Variants in EPB41L4B observed in about 807,000 individuals in gnomAD.
The protein encoded by EPB41L4B is erythrocyte membrane protein band 4.1 like 4B, also known as band 4.1-like protein 4B.
In EPB41L4B, 30 loss-of-function variants were observed where a neutral mutation model predicts 112.5. The observed-to-expected ratio is 0.27, with a 90% CI of 0.20 to 0.36. EPB41L4B has a LOEUF of 0.36. EPB41L4B is among the 10% of genes least tolerant of loss of function. The pLI is 1.00. For missense variants in EPB41L4B, 1,024 were observed against 1,133.3 expected (o/e 0.90, Z 1.38); for synonymous variants, 408 against 439.7 (o/e 0.93, Z 0.90).
chr9:109,270,820 C>T (rs112516828), intron 2 of EPB41L4B, among the ~76,000 whole-genome samples: 2,110 of 152,266 alleles, frequency 0.014, 22 homozygotes, highest in Middle Eastern at 0.024. Flanking sequence ...CTTGGCTGTG[C>T]TTTTTGATCC....
chr9:109,311,844 T>C (rs750440416), intron 1 of EPB41L4B, among the ~76,000 whole-genome samples: 1 of 151,994 alleles, frequency 6.6e-6, no homozygotes, highest in Non-Finnish European at 1.5e-5. Flanking sequence ...ACCAGCAGAG[T>C]GGCCCGAGGC....
intron 15 of EPB41L4B, among the ~76,000 whole-genome samples, chr9:109,237,357 T>C (rs1418290718): frequency 1.3e-5 from 2 of 152,200 alleles, no homozygotes; most frequent in African/African-American, 2.4e-5. Context: ...CAATACACTG[T>C]TGGATGTTCT....
At chr9:109,313,597 A>C (rs1188558075) in intron 1 of EPB41L4B, among the ~76,000 whole-genome samples, 1 of 152,210 alleles carries the variant, frequency 6.6e-6, no homozygotes, top group Admixed American at 6.5e-5. Flanking sequence ...AAGACCTTTA[A>C]CCTGCCAGCA....
intron 20 of EPB41L4B, among the ~76,000 whole-genome samples, chr9:109,198,185 C>T (rs898272500): frequency 2.6e-5 from 4 of 152,160 alleles, no homozygotes; most frequent in African/African-American, 9.7e-5. Flanking sequence ...TTCACAGGTA[C>T]AAATGGCAGA....
rs367749196 is a variant in EPB41L4B at position 109,200,183 on chromosome 9, A to T, written c.2045+53T>A. 14 of 1,464,636 alleles carry T rather than the reference A, an allele frequency of 9.6e-6. No homozygotes were observed. The African/African-American group carries it at 1.9e-4, about 20-fold the overall frequency. 90.7% of individuals were successfully genotyped at this position (1,464,636 alleles called of 1,614,324 possible). Reference sequence around the variant, plus strand: ...AGGGCTAAGAAGCATTTGTATCTAAACAATTAGTCATCATAGTTGTTTTAA... The same window carrying T: ...AGGGCTAAGAAGCATTTGTATCTAATCAATTAGTCATCATAGTTGTTTTAA... On this transcript the variant is annotated intron_variant, in intron 20 of 25. Transcript: ENST00000374566.
chr9:109,268,329 C>T (rs1835481123), intron 3 of EPB41L4B, 62 bp downstream of exon 3: 3 of 1,463,540 alleles, frequency 2.0e-6, no homozygotes, highest in Middle Eastern at 1.7e-4. Flanking sequence ...CCTCAAAACA[C>T]TGGCAAAGGA....
intron 1 of EPB41L4B, among the ~76,000 whole-genome samples, chr9:109,285,234 A>G (rs549433892): frequency 6.6e-6 from 1 of 152,210 alleles, no homozygotes; most frequent in Non-Finnish European, 1.5e-5. Flanking sequence ...ACTTACGTAA[A>G]ATGAAGAGGG....
chr9:109,175,313 T>C (rs1483411259), intron 25 of EPB41L4B, among the ~76,000 whole-genome samples: 1 of 152,184 alleles, frequency 6.6e-6, no homozygotes, highest in Non-Finnish European at 1.5e-5. Flanking sequence ...AGGCTTTCAT[T>C]TGATGAATAT....
At chr9:109,251,337 G>T in intron 13 of EPB41L4B, 144 bp downstream of exon 13, 1 of 781,598 alleles carries the variant, frequency 1.3e-6, no homozygotes, top group Non-Finnish European at 2.2e-6. Context: ...CATGAGCATG[G>T]AATAGCCAGG....
chr9:109,303,015 G>A (rs1328013277), intron 1 of EPB41L4B, among the ~76,000 whole-genome samples: 4 of 151,244 alleles, frequency 2.6e-5, no homozygotes, highest in Admixed American at 2.6e-4. Context: ...CAGGAGTTCT[G>A]GGCTGCAGTG....
At chr9:109,307,817 C>T (rs1312285960) in intron 1 of EPB41L4B, among the ~76,000 whole-genome samples, 3 of 148,272 alleles carry the variant, frequency 2.0e-5, no homozygotes, top group Non-Finnish European at 3.0e-5. Context: ...GAACCCTGGT[C>T]GCTTTCAGAA....
intron 1 of EPB41L4B, chr9:109,300,760 T>A (rs992536599): frequency 6.6e-6 from 1 of 152,212 alleles, no homozygotes; most frequent in Non-Finnish European, 1.5e-5. Flanking sequence ...TACTCCAGCC[T>A]GGGCGACAAA....
intron 15 of EPB41L4B, among the ~76,000 whole-genome samples, chr9:109,232,180 C>T (rs536650878): frequency 2.6e-5 from 4 of 152,028 alleles, no homozygotes; most frequent in East Asian, 1.9e-4. Flanking sequence ...TTAGTAGAGA[C>T]GGAGTTTCAC....
intron 1 of EPB41L4B, among the ~76,000 whole-genome samples, chr9:109,298,096 G>A (rs1440846854): frequency 6.6e-6 from 1 of 152,094 alleles, no homozygotes; most frequent in Non-Finnish European, 1.5e-5. Flanking sequence ...GAAGAAGGCA[G>A]AGAATGACAC....
chr9:109,264,862 G>A, intron 5 of EPB41L4B, 118 bp downstream of exon 5: 1 of 773,844 alleles, frequency 1.3e-6, no homozygotes, highest in Non-Finnish European at 2.0e-6. Flanking sequence ...TACAATGCCT[G>A]GTGCACTTTT....
intron 7 of EPB41L4B, among the ~76,000 whole-genome samples, chr9:109,257,652 T>A (rs893699382): frequency 6.6e-6 from 1 of 152,168 alleles, no homozygotes; most frequent in South Asian, 2.1e-4. Context: ...CCAGGCTCTG[T>A]TTGCAGAGAG....
At chr9:109,256,058 C>A in intron 9 of EPB41L4B, 78 bp downstream of exon 9, 1 of 1,355,334 alleles carries the variant, frequency 7.4e-7, no homozygotes, top group South Asian at 1.2e-5. Flanking sequence ...GCAGATACCC[C>A]TCAATAATCA....
At chr9:109,193,575 C>T (rs1390893672) in intron 21 of EPB41L4B, among the ~76,000 whole-genome samples, 2 of 152,244 alleles carry the variant, frequency 1.3e-5, no homozygotes, top group East Asian at 1.9e-4. Context: ...CGCACCTTTT[C>T]TCTGTGTAGT....
chr9:109,251,645 G>C lies in EPB41L4B; in HGVS notation c.1280-134C>G. ...AACTCCAACCCAGGCAGAACTGCAT[G>C]GTGGCTACTTCTCCTTTCCTCAGGG... On this transcript the variant is annotated intron_variant, in intron 12 of 25. Transcript: ENST00000374566. The C allele has an allele frequency of 5.0e-6, 4 of 798,528 alleles. No homozygotes were observed. The East Asian group carries it at 9.8e-5, about 20-fold the overall frequency. 49.5% of individuals were successfully genotyped at this position (798,528 alleles called of 1,614,324 possible). A position where few individuals can be genotyped will look rare whatever the true frequency, so the allele number is the denominator to read the frequency against.
Sources: allele counts gnomAD v4.1 joint callset (sites outside exome capture counted in the v4.1 genomes callset), GRCh38; gene constraint gnomAD v4.1.1; transcripts MANE v1.5; gene names NCBI Gene and HGNC (gene_info 2026-07-23, HGNC 2026-07-21).